The following SORBS2 variants were observed in gnomAD, a reference collection of about 807,000 sequenced individuals.
The protein encoded by SORBS2 is sorbin and SH3 domain containing 2.
A neutral mutation model predicts 97.7 loss-of-function variants in SORBS2; 46 were observed. The observed-to-expected ratio is 0.47, with a 90% CI of 0.37 to 0.60. The LOEUF is 0.60. Among genes scored for constraint, SORBS2 ranks in the 20% least tolerant of loss-of-function variants. The pLI, the probability that SORBS2 is intolerant of heterozygous loss-of-function variation, is 0.00. For missense variants in SORBS2, 1,316 were observed against 1,282.3 expected (o/e 1.03, Z -0.40); for synonymous variants, 476 against 473.4 (o/e 1.01, Z -0.07).
At chr4:185,731,474 C>T (rs1184567613) in intron 2 of SORBS2, among the ~76,000 whole-genome samples, 27 of 126,036 alleles carry the variant, frequency 2.1e-4, no homozygotes, top group Non-Finnish European at 3.9e-4. Context: ...GCCTGTCTCT[C>T]TCCCTCCCTC....
chr4:185,731,327 C>A (rs1180959972), intron 2 of SORBS2, among the ~76,000 whole-genome samples: 1 of 152,134 alleles, frequency 6.6e-6, no homozygotes, highest in African/African-American at 2.4e-5. Context: ...TCTCTACTTG[C>A]CAAAATATTT....
chr4:185,678,473 C>A (rs1370286915), exon 4 of SORBS2: 3 of 1,550,926 alleles, frequency 1.9e-6, no homozygotes, highest in Non-Finnish European at 2.6e-6. Flanking sequence ...CTTCTAAAAC[C>A]TTTTGCTGCA....
At chr4:185,938,389 T>TACAC (rs34337257) in intron 1 of SORBS2, among the ~76,000 whole-genome samples, 9,966 of 136,372 alleles carry the variant, frequency 0.073, 413 homozygotes, top group African/African-American at 0.11. Context: ...TGTAGACACA[T>TACAC]ACACACACAC....
intron 2 of SORBS2, among the ~76,000 whole-genome samples, chr4:185,765,091 T>G (rs532273146): frequency 6.6e-6 from 1 of 152,280 alleles, no homozygotes; most frequent in Non-Finnish European, 1.5e-5. Context: ...ATGTAAAGTT[T>G]TAAACCACAA....
chr4:185,881,448 T>C (rs2099236830), intron 1 of SORBS2, among the ~76,000 whole-genome samples: 1 of 152,184 alleles, frequency 6.6e-6, no homozygotes, highest in Non-Finnish European at 1.5e-5. Context: ...CCAAAATACT[T>C]TCTTTCAAAA....
Position 185,638,298 on chromosome 4 carries a change from G to T in SORBS2, c.397-7700C>A. 5 of 663,166 alleles carry T rather than the reference G, an allele frequency of 7.5e-6. No individual in the cohort carries two copies. The South Asian group carries it at 8.9e-5, about 12-fold the overall frequency. 41.1% of individuals were successfully genotyped at this position (663,166 alleles called of 1,614,324 possible). On this transcript the variant is annotated intron_variant, in intron 4 of 14. Coordinates refer to ENST00000418609, the Ensembl canonical transcript of SORBS2. The stretch of plus-strand genomic sequence containing the variant: ...ACTCTCACCCCACGAACCTCAGCAG[G>T]AGAGAACGGAGGAAGTAAAGTAAAA...
At chr4:185,952,518 A>G (rs987899414) in intron 1 of SORBS2, among the ~76,000 whole-genome samples, 6 of 152,208 alleles carry the variant, frequency 3.9e-5, no homozygotes, top group Admixed American at 3.3e-4. Context: ...TTTAATCACT[A>G]CTAAGCCCTA....
intron 2 of SORBS2, among the ~76,000 whole-genome samples, chr4:185,756,721 T>G (rs2098833174): frequency 2.3e-5 from 1 of 43,878 alleles, no homozygotes; most frequent in Non-Finnish European, 5.8e-5. Context: ...TGTTAAAGCT[T>G]TTTTTTTTTT....
At chr4:185,650,863 C>A (rs1241985877) in intron 2 of SORBS2, among the ~76,000 whole-genome samples, 1 of 152,076 alleles carries the variant, frequency 6.6e-6, no homozygotes, top group Non-Finnish European at 1.5e-5. Flanking sequence ...AGAGGGCTTG[C>A]TGAGTTTGTT....
At chr4:185,645,564 ACT>A (rs1179526763) in intron 4 of SORBS2, 1 of 152,192 alleles carries the variant, frequency 6.6e-6, no homozygotes, top group Non-Finnish European at 1.5e-5. Flanking sequence ...GGTTTCAAAG[ACT>A]CAATCAAGGA....
chr4:185,707,851 G>A (rs1345005615), intron 2 of SORBS2, among the ~76,000 whole-genome samples: 1 of 152,052 alleles, frequency 6.6e-6, no homozygotes, highest in Non-Finnish European at 1.5e-5. Context: ...CGAGAAAGAC[G>A]CACCCCATGA....
At chr4:185,613,214 C>T (rs1561409280) in intron 11 of SORBS2, among the ~76,000 whole-genome samples, 1 of 152,212 alleles carries the variant, frequency 6.6e-6, no homozygotes, top group Non-Finnish European at 1.5e-5. Context: ...TCATTAATCT[C>T]AGCCCAACAG....
At chr4:185,855,202 G>C (rs949035866) in intron 1 of SORBS2, among the ~76,000 whole-genome samples, 1 of 152,084 alleles carries the variant, frequency 6.6e-6, no homozygotes, top group Admixed American at 6.5e-5. Context: ...CTGTTTTCAG[G>C]TTAGTAAGTG....
At chr4:185,911,941 C>T (rs555278184) in intron 1 of SORBS2, among the ~76,000 whole-genome samples, 1 of 152,290 alleles carries the variant, frequency 6.6e-6, no homozygotes, top group East Asian at 1.9e-4. Context: ...ATAAGAAATG[C>T]CACATCACTA....
intron 2 of SORBS2, among the ~76,000 whole-genome samples, chr4:185,745,148 G>A (rs1000899725): frequency 3.9e-5 from 6 of 152,152 alleles, no homozygotes; most frequent in African/African-American, 9.7e-5. Context: ...CCATTGCAGC[G>A]GGGGAAGGTG....
At chr4:185,649,729 G>T in intron 2 of SORBS2, 73 bp from the exon 12 acceptor site, 2 of 1,035,026 alleles carry the variant, frequency 1.9e-6, no homozygotes, top group Non-Finnish European at 2.6e-6. Context: ...TAAATTATTT[G>T]TCCCCCTCAA....
chr4:185,632,618 G>A (rs982906872), intron 4 of SORBS2, among the ~76,000 whole-genome samples: 3 of 152,178 alleles, frequency 2.0e-5, no homozygotes, highest in East Asian at 1.9e-4. Flanking sequence ...TGCAGATCAC[G>A]GCTTTCGTGG....
intron 2 of SORBS2, among the ~76,000 whole-genome samples, chr4:185,699,011 T>C (rs1026294736): frequency 1.1e-4 from 16 of 152,202 alleles, no homozygotes; most frequent in African/African-American, 3.6e-4. Context: ...AGCCACACTT[T>C]TCTTCTGATT....
chr4:185,711,120 C>T (rs1490076248), intron 2 of SORBS2, among the ~76,000 whole-genome samples: 1 of 148,586 alleles, frequency 6.7e-6, no homozygotes, highest in Non-Finnish European at 1.5e-5. Flanking sequence ...CAGATATACA[C>T]CATCACACTC....
Sources: gnomAD v4.1 joint callset for allele counts (sites outside exome capture counted in the v4.1 genomes callset) on GRCh38, gnomAD v4.1.1 for gene constraint, MANE v1.5 for transcripts, NCBI Gene and HGNC (gene_info 2026-07-23, HGNC 2026-07-21) for gene names.